Variants in MSH4 observed in about 807,000 individuals in gnomAD.
The protein encoded by MSH4 is mutS homolog 4.
Under a neutral mutation model 113.7 loss-of-function variants are expected in MSH4, and 106 were observed. The observed-to-expected ratio is 0.93, with a 90% confidence interval of 0.80 to 1.10. The LOEUF (loss-of-function observed/expected upper bound fraction) is 1.10. Among genes scored for constraint, MSH4 ranks in the 50% least tolerant of loss-of-function variants. The pLI, the probability that MSH4 is intolerant of heterozygous loss-of-function variation, is 0.00. For missense variants in MSH4, 1,061 were observed against 1,093.7 expected (o/e 0.97, Z 0.42); for synonymous variants, 368 against 380.2 (o/e 0.97, Z 0.37).
At chr1:75,799,687 T>C (rs1034207621) in intron 1 of MSH4, among the ~76,000 whole-genome samples, 2 of 152,168 alleles carry the variant, frequency 1.3e-5, no homozygotes, top group African/African-American at 4.8e-5. Context: ...GTGATCTAGG[T>C]AGATAAACTT....
chr1:75,807,194 T>G (rs1650089572), intron 3 of MSH4, 53 bp downstream of exon 3: 1 of 1,386,826 alleles, frequency 7.2e-7, no homozygotes. Context: ...GTATCTAGAG[T>G]TTAAAGTCAG....
chr1:75,873,748 T>A (rs374825424), intron 9 of MSH4, among the ~76,000 whole-genome samples: 199 of 150,430 alleles, frequency 1.3e-3, no homozygotes, highest in African/African-American at 4.3e-3. Flanking sequence ...GATCTTGTTT[T>A]TATATATATA....
At chr1:75,823,563 C>A (rs1253864137) in intron 7 of MSH4, among the ~76,000 whole-genome samples, 7 of 152,196 alleles carry the variant, frequency 4.6e-5, no homozygotes, top group Admixed American at 1.3e-4. Context: ...CACCTATCAA[C>A]CCATCATCTA....
At chr1:75,878,417 A>C in intron 11 of MSH4, 99 bp downstream of exon 11, 2 of 956,698 alleles carry the variant, frequency 2.1e-6, no homozygotes, top group Non-Finnish European at 3.0e-6. Context: ...TACATATTTT[A>C]AATTTATTTT....
chr1:75,824,091 C>T (rs558159805), intron 7 of MSH4, among the ~76,000 whole-genome samples: 26 of 152,126 alleles, frequency 1.7e-4, no homozygotes, highest in Non-Finnish European at 2.5e-4. Context: ...AGACTCCCAC[C>T]GACAGTGTAA....
intron 1 of MSH4, among the ~76,000 whole-genome samples, chr1:75,799,749 A>G (rs1649895097): frequency 6.6e-6 from 1 of 152,178 alleles, no homozygotes; most frequent in South Asian, 2.1e-4. Context: ...TTTAACCCAG[A>G]GACCCCCCAT....
chr1:75,806,676 C>T (rs1172666454), intron 2 of MSH4, among the ~76,000 whole-genome samples: 1 of 152,146 alleles, frequency 6.6e-6, no homozygotes, highest in African/African-American at 2.4e-5. Context: ...AGCCTTGCCA[C>T]CTGTACCCTC....
chr1:75,909,222 G>A (rs1468190822), intron 19 of MSH4, among the ~76,000 whole-genome samples: 1 of 152,098 alleles, frequency 6.6e-6, no homozygotes, highest in Non-Finnish European at 1.5e-5. Context: ...GAGATTGGGA[G>A]GAATTTTCTG....
At position 75,885,798 on chromosome 1, in the gene MSH4, T is replaced by A. The variant is rs189167875; in HGVS notation, c.2107+1977T>A. Among the ~76,000 whole-genome samples the A allele has an allele frequency of 5.9e-3, 703 of 118,356 alleles. 6 individuals are homozygous for A. Among genetic ancestry groups the A allele is most frequent in the African/African-American group, 0.022 (670 of 30,360 alleles). The allele number at this position is 118,356 out of a possible 152,430, so 77.6% of individuals were successfully genotyped here. A position where few individuals can be genotyped will look rare whatever the true frequency, so the allele number is the denominator to read the frequency against. ...TGTATTATATAGTATATATACTATA[T>A]AATGTATTACATATTATGTATAGTA... On this transcript the variant is annotated intron_variant, in intron 15 of 19. Transcript: ENST00000263187.
intron 6 of MSH4, among the ~76,000 whole-genome samples, chr1:75,816,762 G>A (rs571155620): frequency 6.6e-6 from 1 of 152,204 alleles, no homozygotes; most frequent in Admixed American, 6.6e-5. Context: ...AAGTAGTTGG[G>A]ACTACAGGCA....
At chr1:75,809,512 C>T (rs1650140237) in intron 3 of MSH4, among the ~76,000 whole-genome samples, 2 of 152,144 alleles carry the variant, frequency 1.3e-5, no homozygotes, top group Admixed American at 6.5e-5. Flanking sequence ...CTAAGAAATA[C>T]ACCTTATTTT....
chr1:75,884,565 G>A (rs5745492), intron 15 of MSH4, among the ~76,000 whole-genome samples: 40,150 of 151,758 alleles, frequency 0.26, 6,913 homozygotes, highest in East Asian at 0.69. Context: ...GTAGAGTCCA[G>A]GAATGCTGTT....
intron 8 of MSH4, among the ~76,000 whole-genome samples, chr1:75,866,890 C>G (rs986555075): frequency 6.6e-6 from 1 of 152,160 alleles, no homozygotes; most frequent in Non-Finnish European, 1.5e-5. Flanking sequence ...TCTACTTCAT[C>G]TGTCAGTATT....
chr1:75,797,294 G>A lies in MSH4; in HGVS notation c.244+65G>A, dbSNP rs968422656. 14 of 1,529,336 alleles carry A rather than the reference G, an allele frequency of 9.2e-6. No individual in the cohort carries two copies. In the African/African-American group the frequency reaches 1.4e-4, roughly 15 times the overall value. The allele number at this position is 1,529,336 out of a possible 1,614,324, so 94.7% of individuals were successfully genotyped here. A position where few individuals can be genotyped will look rare whatever the true frequency, so the allele number is the denominator to read the frequency against. On this transcript the variant is annotated intron_variant, in intron 1 of 19. Transcript: ENST00000263187. ...AGGCCGGCAGTTCATGGAGGCTCGG[G>A]GGCACGTGGGTGGTGGTTACCACAG...
At chr1:75,835,987 C>T (rs1245144072) in intron 7 of MSH4, among the ~76,000 whole-genome samples, 1 of 152,148 alleles carries the variant, frequency 6.6e-6, no homozygotes, top group Non-Finnish European at 1.5e-5. Context: ...CACACCTGGA[C>T]TCTTTTTCTA....
intron 7 of MSH4, among the ~76,000 whole-genome samples, chr1:75,837,637 C>T (rs1326582055): frequency 6.6e-6 from 1 of 152,142 alleles, no homozygotes; most frequent in Non-Finnish European, 1.5e-5. Context: ...ATCCACCAGC[C>T]TCGGCCTCCC....
intron 3 of MSH4, among the ~76,000 whole-genome samples, chr1:75,808,890 A>C (rs1213807350): frequency 6.6e-6 from 1 of 152,062 alleles, no homozygotes; most frequent in East Asian, 1.9e-4. Flanking sequence ...AGGTAGAGAT[A>C]GTTTACTCCT....
intron 15 of MSH4, among the ~76,000 whole-genome samples, chr1:75,886,006 G>A (rs1217720195): frequency 9.6e-5 from 7 of 73,050 alleles, no homozygotes; most frequent in Admixed American, 4.4e-4. Context: ...AGCATGTATA[G>A]TATATATGAT....
intron 13 of MSH4, among the ~76,000 whole-genome samples, chr1:75,880,789 TGTGA>T (rs1651914010): frequency 6.6e-6 from 1 of 152,066 alleles, no homozygotes; most frequent in South Asian, 2.1e-4. Context: ...TGTGCATGTG[TGTGA>T]GTGAGAGAAC....
Sources: gnomAD v4.1 joint callset for allele counts (sites outside exome capture counted in the v4.1 genomes callset) on GRCh38, gnomAD v4.1.1 for gene constraint, MANE v1.5 for transcripts, NCBI Gene and HGNC (gene_info 2026-07-23, HGNC 2026-07-21) for gene names.